The following EIF3L variants were observed in gnomAD, a reference collection of about 807,000 sequenced individuals.
EIF3L encodes the protein eukaryotic translation initiation factor 3 subunit L.
EIF3L carries 32 observed loss-of-function variants against 74.6 expected under a neutral mutation model. The observed-to-expected ratio is 0.43, with a 90% CI of 0.32 to 0.58. The LOEUF (loss-of-function observed/expected upper bound fraction) is 0.58, where lower values mean the gene tolerates loss of function less well. Among genes scored for constraint, EIF3L ranks in the 20% least tolerant of loss-of-function variants. EIF3L has a pLI of 0.06. For missense variants in EIF3L, 474 were observed against 707.8 expected, an observed-to-expected ratio of 0.67 and a Z score of 3.75; for synonymous variants, 256 against 254.4, an observed-to-expected ratio of 1.01 and a Z score of -0.06.
intron 8 of EIF3L, among the ~76,000 whole-genome samples, chr22:37,871,037 A>G (rs1926442400): frequency 6.6e-6 from 1 of 151,838 alleles, no homozygotes; most frequent in Admixed American, 6.6e-5. Context: ...CTGAGGTGGG[A>G]GGATTGCTTG....
intron 7 of EIF3L, among the ~76,000 whole-genome samples, chr22:37,868,438 T>C (rs1352711986): frequency 1.3e-5 from 2 of 151,012 alleles, no homozygotes. Flanking sequence ...GAGAATTCTT[T>C]ATATATTCTG....
intron 5 of EIF3L, among the ~76,000 whole-genome samples, chr22:37,859,374 C>CTTTTTTTTTTTT (rs34020382): frequency 0.017 from 1,336 of 79,114 alleles, 240 homozygotes; most frequent in Admixed American, 0.031. Context: ...CGTGAAGTTT[C>CTTTTTTTTTTTT]TTTTTTTTTT....
intron 4 of EIF3L, among the ~76,000 whole-genome samples, chr22:37,857,242 C>A (rs577611385): frequency 3.3e-5 from 5 of 151,448 alleles, no homozygotes; most frequent in East Asian, 2.0e-4. Context: ...TGGTGGCGGG[C>A]ACCTGTAGTC....
rs545183532 is a variant in EIF3L at position 37,868,110 on chromosome 22, ATTTTT to A, written c.580-2048_580-2044del. Among the ~76,000 whole-genome samples the A allele has an allele frequency of 7.3e-3, 681 of 92,664 alleles. 8 individuals carry two copies. Among genetic ancestry groups the A allele is most frequent in the African/African-American group, 0.029 (649 of 22,134 alleles). The allele number at this position is 92,664 out of a possible 152,430, so 60.8% of individuals were successfully genotyped here. On this transcript the variant is annotated intron_variant, in intron 7 of 12. Transcript: ENST00000652021. ...TTGCATTACGAGAATTCTTTGTAGG[ATTTTT>A]TTTTTTTTTTTTTTTTTGAGACAGA...
Position 37,886,765 on chromosome 22 carries a change from G to T in EIF3L, c.1576G>T (p.Asp526Tyr). ...ASEVDFYIDKDMIHIADTKVA... is the reference protein window; with the variant it reads ...ASEVDFYIDKYMIHIADTKVA... ...TCCCTGACTGTGCTTTCCCCCACAG[G>T]ACATGATCCACATCGCGGACACCAA... is the stretch of plus-strand genomic sequence containing the variant. Residue 526 changes from aspartate (D) to tyrosine (Y), a missense_variant and splice_region_variant, in exon 12 of 13, where the codon GAC becomes TAC. Coordinates refer to ENST00000652021, the MANE Select transcript of EIF3L (RefSeq NM_016091.4). The T allele has an allele frequency of 6.2e-7, 1 of 1,608,236 alleles. No homozygotes were observed. Among genetic ancestry groups the T allele is most frequent in the South Asian group, 1.1e-5 (1 of 90,940 alleles).
chr22:37,859,373 T>G (rs1190711370), intron 5 of EIF3L, among the ~76,000 whole-genome samples: 1 of 123,600 alleles, frequency 8.1e-6, no homozygotes, highest in African/African-American at 3.4e-5. Flanking sequence ...ACGTGAAGTT[T>G]CTTTTTTTTT....
chr22:37,871,455 C>T (rs1333789536), intron 8 of EIF3L, among the ~76,000 whole-genome samples: 2 of 152,140 alleles, frequency 1.3e-5, no homozygotes, highest in South Asian at 2.1e-4. Context: ...GCAGTCAGAA[C>T]TTCGTCTCAT....
intron 5 of EIF3L, 46 bp from the exon 6 acceptor site, chr22:37,862,923 T>A (rs1313161312): frequency 1.4e-6 from 2 of 1,463,956 alleles, no homozygotes; most frequent in Middle Eastern, 1.8e-4. Flanking sequence ...GTAAAACACA[T>A]TAAAATTAAA....
intron 4 of EIF3L, among the ~76,000 whole-genome samples, chr22:37,857,833 C>T (rs1280747669): frequency 6.6e-6 from 1 of 152,082 alleles, no homozygotes; most frequent in African/African-American, 2.4e-5. Context: ...TGCACCTGGC[C>T]TGAACATTTA....
intron 7 of EIF3L, among the ~76,000 whole-genome samples, chr22:37,863,613 A>AACACAGGCT (rs1925980459): frequency 6.6e-6 from 1 of 152,156 alleles, no homozygotes; most frequent in Admixed American, 6.5e-5. Flanking sequence ...TGGTGGTAAG[A>AACACAGGCT]ACACAGGCTT....
intron 7 of EIF3L, among the ~76,000 whole-genome samples, chr22:37,867,356 G>C (rs1926203964): frequency 6.6e-6 from 1 of 152,034 alleles, no homozygotes; most frequent in East Asian, 1.9e-4. Context: ...ATTTTTGTCA[G>C]TTCAATGGGA....
chr22:37,867,094 G>A (rs1926191387), intron 7 of EIF3L, among the ~76,000 whole-genome samples: 1 of 152,144 alleles, frequency 6.6e-6, no homozygotes. Context: ...CTGGAGTGCA[G>A]TGGTGTGATC....
At chr22:37,867,960 A>G (rs1926245147) in intron 7 of EIF3L, among the ~76,000 whole-genome samples, 1 of 151,334 alleles carries the variant, frequency 6.6e-6, no homozygotes, top group African/African-American at 2.4e-5. Context: ...ATCTCAAAAA[A>G]AAAAAAAAAA....
chr22:37,872,373 C>G (rs982126659), intron 8 of EIF3L, among the ~76,000 whole-genome samples: 4 of 152,134 alleles, frequency 2.6e-5, no homozygotes, highest in African/African-American at 9.7e-5. Context: ...ATCTGCCTGC[C>G]TCGGCCTCCC....
In EIF3L at chr22:37,849,990, C is replaced by T. The variant is rs760080178; in HGVS notation, c.34-25C>T. On this transcript the variant is annotated intron_variant, in intron 1 of 12. Coordinates refer to ENST00000652021, the MANE Select transcript of EIF3L (RefSeq NM_016091.4). ...TTGAATTCACGACTTGGCGGCTGTC[C>T]TTGACTGTGTCTCTTTCCTTCTAGG... 6 of 1,613,388 alleles carry T rather than the reference C, an allele frequency of 3.7e-6. No individual in the cohort carries two copies. In the South Asian group the frequency reaches 5.5e-5, roughly 15 times the overall value.
chr22:37,851,127 A>T (rs747604666), intron 2 of EIF3L, among the ~76,000 whole-genome samples, 153 bp from the exon 3 acceptor site: 6 of 152,208 alleles, frequency 3.9e-5, no homozygotes, highest in Non-Finnish European at 7.3e-5. Context: ...AGGGACAACG[A>T]GATTGGGAGT....
chr22:37,877,862 G>T lies in EIF3L; in HGVS notation c.1266G>T (p.Ser422=). 1.2e-6 allele frequency: 2 copies of T among 1,613,544 alleles called. No individual in the cohort carries two copies. The highest frequency in any genetic ancestry group is 1.1e-5 in the South Asian group (1 of 91,064). The change falls in exon 11 of 13, where the codon TCG becomes TCT. Residue 422 remains serine (S), a synonymous_variant. Transcript: ENST00000652021. ...GTTACTCCTGCCCCAAGTTCCTGTC[G>T]CCTGTAGTGCCCAACTATGATAATG... ...LFSYSCPKFL[S]PVVPNYDNVH... is the part of the protein sequence containing the mutation.
intron 3 of EIF3L, among the ~76,000 whole-genome samples, chr22:37,854,928 A>G (rs1055667072): frequency 6.6e-6 from 1 of 152,158 alleles, no homozygotes; most frequent in Non-Finnish European, 1.5e-5. Context: ...GGCGTGAGCC[A>G]TCATGCCTGG....
At chr22:37,852,249 ACCCTT>A (rs1209723707) in intron 3 of EIF3L, among the ~76,000 whole-genome samples, 1 of 152,180 alleles carries the variant, frequency 6.6e-6, no homozygotes, top group Non-Finnish European at 1.5e-5. Flanking sequence ...TTACTCATTT[ACCCTT>A]CACAGTAAGC....
Sources: gnomAD v4.1 joint callset for allele counts (sites outside exome capture counted in the v4.1 genomes callset) on GRCh38, gnomAD v4.1.1 for gene constraint, MANE v1.5 for transcripts, NCBI Gene and HGNC (gene_info 2026-07-23, HGNC 2026-07-21) for gene names.